Variants in FOXRED2 observed in about 807,000 individuals in gnomAD.
The protein encoded by FOXRED2 is FAD dependent oxidoreductase domain containing 2, also known as FAD-dependent oxidoreductase domain-containing protein 2.
In FOXRED2, 32 loss-of-function variants were observed where a neutral mutation model predicts 52.5. The observed-to-expected ratio is 0.61, with a 90% CI of 0.46 to 0.82. The LOEUF is 0.82. Among genes scored for constraint, FOXRED2 ranks in the 40% least tolerant of loss-of-function variants. The pLI is 0.00. For missense variants in FOXRED2, 848 were observed against 937.5 expected (o/e 0.90, Z 1.25); for synonymous variants, 405 against 398.1 (o/e 1.02, Z -0.21).
rs774238862 is a variant in FOXRED2, at chr22:36,498,100, T to C, written c.1273A>G (p.Thr425Ala). 3.7e-6 allele frequency: 6 copies of C among 1,613,464 alleles called. No individual in the cohort carries two copies. Among genetic ancestry groups the C allele is most frequent in the South Asian group, 3.3e-5 (3 of 91,052 alleles). Reference sequence around the variant, plus strand: ...GTCAGCTGTGTGATGGGGAGCTCAGTGGCGGGCCAGGTGACGCTGTGGTGG... The same window carrying C: ...GTCAGCTGTGTGATGGGGAGCTCAGCGGCGGGCCAGGTGACGCTGTGGTGG... ...HRHHSVTWPATELPITQLTSS... is the reference protein window; with the variant it reads ...HRHHSVTWPAAELPITQLTSS... The change falls in exon 6 of 9, where the codon ACT becomes GCT. Residue 425 changes from threonine (T) to alanine (A), a missense_variant. Transcript: ENST00000397224.
chr22:36,494,493 C>G (rs1568987546), intron 7 of FOXRED2, among the ~76,000 whole-genome samples: 1 of 152,292 alleles, frequency 6.6e-6, no homozygotes, highest in East Asian at 1.9e-4. Context: ...CAGCACTCAT[C>G]TAGTTCAGCT....
At chr22:36,497,921 G>T (rs1029162713) in intron 6 of FOXRED2, 70 bp downstream of exon 6, 8 of 1,517,282 alleles carry the variant, frequency 5.3e-6, no homozygotes, top group Non-Finnish European at 7.2e-6. Flanking sequence ...CCTGGAATAG[G>T]AAGAGAAGCG....
rs749720000 is a variant in FOXRED2, at chr22:36,501,271, C to T, written c.1186G>A (p.Gly396Arg). 19 of 1,614,120 alleles carry T rather than the reference C, an allele frequency of 1.2e-5. No individual in the cohort carries two copies. Among genetic ancestry groups the T allele is most frequent in the East Asian group, 4.5e-5 (2 of 44,880 alleles). Residue 396 changes from glycine to arginine, a missense_variant, in exon 5 of 9, where the codon GGG becomes AGG. Transcript: ENST00000397224. ...TATCGGAATCCGTGGATGAAGCCCC[C>T]AGCAGATTTCCGGTAGTCCACCGAG... ...SHSVDYRKSAGGFIHGFRYTV... is the reference protein window; with the variant it reads ...SHSVDYRKSARGFIHGFRYTV...
intron 8 of FOXRED2, among the ~76,000 whole-genome samples, chr22:36,491,911 A>G (rs554527390): frequency 2.0e-5 from 3 of 152,158 alleles, no homozygotes; most frequent in Admixed American, 2.0e-4. Context: ...AGGGAGTTAG[A>G]GACAAGGGCA....
rs1023121812 is a variant in FOXRED2 at position 36,506,215 on chromosome 22, T to G, written c.208A>C (p.Thr70Pro). 1.2e-6 allele frequency: 2 copies of G among 1,614,038 alleles called. No homozygotes were observed. Among genetic ancestry groups the G allele is most frequent in the Admixed American group, 3.3e-5 (2 of 60,032 alleles). ...ERAPRPGSFF[T>P]RYPRHRKLIS... ...AGCTTGCGGTGCCGCGGGTAGCGTG[T>G]GAAGAAGCTGCCGGGCCGCGGGGCC... Residue 70 changes from threonine (T) to proline (P), a missense_variant, in exon 2 of 9, where the codon ACA (threonine) becomes CCA (proline). Physicochemically the swap from Thr to Pro is conservative, Grantham distance 38. Coordinates refer to ENST00000397224, the MANE Select transcript of FOXRED2 (RefSeq NM_001102371.2).
intron 5 of FOXRED2, chr22:36,498,362 G>A (rs1180804604): frequency 5.2e-6 from 3 of 582,150 alleles, no homozygotes; most frequent in Non-Finnish European, 9.1e-6. Context: ...TTCTGGAAAG[G>A]GCCAGACAAT....
chr22:36,495,665 G>A lies in FOXRED2; in HGVS notation c.1624+302C>T, dbSNP rs1017092951. On this transcript the variant is annotated intron_variant, in intron 7 of 8. Transcript: ENST00000397224. Reference sequence around the variant, plus strand: ...TCCCTCTACTCTTCAGACCCCTCCCGCCCCACCACAGTCAGCCGCCTCTGG... The same window carrying A: ...TCCCTCTACTCTTCAGACCCCTCCCACCCCACCACAGTCAGCCGCCTCTGG... Among the ~76,000 whole-genome samples the A allele has an allele frequency of 5.3e-5, 8 of 152,120 alleles. No individual in the cohort carries two copies. The East Asian group carries it at 1.2e-3, about 22-fold the overall frequency.
intron 5 of FOXRED2, among the ~76,000 whole-genome samples, chr22:36,500,090 C>T (rs1371686634): frequency 1.3e-5 from 2 of 152,182 alleles, no homozygotes; most frequent in African/African-American, 2.4e-5. Context: ...TGTGACCCAC[C>T]GTGCCTGGCC....
rs758632702 is a variant in FOXRED2 at position 36,501,354 on chromosome 22, C to T, written c.1103G>A (p.Arg368Gln). The T allele has an allele frequency of 5.9e-5, 95 of 1,613,958 alleles. No homozygotes were observed. The highest frequency in any genetic ancestry group is 7.7e-5 in the Non-Finnish European group (91 of 1,180,024). ...GCTTCCTTTGGATTCGTAGCTAGCT[C>T]GAATCAGCGGGTACTTCTTGCCGAA... ...NAFGKKYPLI[R>Q]ASYESKGSRG... Residue 368 changes from arginine (R) to glutamine (Q), a missense_variant, in exon 5 of 9, where the codon CGA becomes CAA. By Grantham distance (43) the Arg-to-Gln change is conservative. Transcript: ENST00000397224.
At chr22:36,495,810 T>C (rs1933880865) in intron 7 of FOXRED2, among the ~76,000 whole-genome samples, 157 bp downstream of exon 7, 1 of 152,214 alleles carries the variant, frequency 6.6e-6, no homozygotes, top group South Asian at 2.1e-4. Context: ...CGTTCATCAT[T>C]CTCGGACCTT....
At position 36,493,684 on chromosome 22, in the gene FOXRED2, T is replaced by C; in HGVS notation, c.1744A>G (p.Arg582Gly). Residue 582 changes from arginine to glycine, a missense_variant, in exon 8 of 9, where the codon AGG becomes GGG. Physicochemically the swap from Arg to Gly is moderately radical, Grantham distance 125 (BLOSUM62 -2). Coordinates refer to ENST00000397224, the MANE Select transcript of FOXRED2 (RefSeq NM_001102371.2). The part of the protein sequence containing the change: ...TAPIGHILPL[R>G]RFLENCLDTD... ...TCCAAACAGTTCTCCAGGAAGCGCCTCAGAGGTAGGATGTGCCCGATCGGG... is the reference window on the plus strand; with the variant it reads ...TCCAAACAGTTCTCCAGGAAGCGCCCCAGAGGTAGGATGTGCCCGATCGGG... The C allele has an allele frequency of 6.2e-7, 1 of 1,614,154 alleles. No individual in the cohort carries two copies. Among genetic ancestry groups the C allele is most frequent in the Non-Finnish European group, 8.5e-7 (1 of 1,180,010 alleles).
chr22:36,490,749 A>T (rs1401367919), intron 8 of FOXRED2, among the ~76,000 whole-genome samples: 2 of 152,224 alleles, frequency 1.3e-5, no homozygotes, highest in African/African-American at 4.8e-5. Context: ...TGATCTAAAC[A>T]GTGTGGGGGA....
chr22:36,491,371 G>C (rs931375617), intron 8 of FOXRED2, among the ~76,000 whole-genome samples: 1 of 152,104 alleles, frequency 6.6e-6, no homozygotes, highest in African/African-American at 2.4e-5. Context: ...GGGCTGCTGG[G>C]AGGTGACTGC....
At position 36,506,374 on chromosome 22, in the gene FOXRED2, G is replaced by A. The variant is rs1473955034; in HGVS notation, c.49C>T (p.Leu17=). 1 of 1,447,246 alleles carries A rather than the reference G, an allele frequency of 6.9e-7. No homozygotes were observed. The highest frequency in any genetic ancestry group is 9.0e-7 in the Non-Finnish European group (1 of 1,105,064). The allele number at this position is 1,447,246 out of a possible 1,614,324, so 89.7% of individuals were successfully genotyped here. ...APLWGPPGLL[L]AIALHPALSV... ...AGCGCTGGGTGCAGGGCGATGGCCAGGAGCAGCCCCGGGGGACCCCACAAC... is the reference window on the plus strand; with the variant it reads ...AGCGCTGGGTGCAGGGCGATGGCCAAGAGCAGCCCCGGGGGACCCCACAAC... The change falls in exon 2 of 9, where the codon CTG becomes TTG. Residue 17 remains leucine, a synonymous_variant. Coordinates refer to ENST00000397224, the MANE Select transcript of FOXRED2 (RefSeq NM_001102371.2).
intron 7 of FOXRED2, 31 bp from the exon 8 acceptor site, chr22:36,493,834 A>G: frequency 6.2e-7 from 1 of 1,606,090 alleles, no homozygotes; most frequent in Non-Finnish European, 8.5e-7. Context: ...GCCATGTCAG[A>G]GCTGTGAGGC....
intron 8 of FOXRED2, among the ~76,000 whole-genome samples, chr22:36,492,676 C>G (rs1933787010): frequency 6.6e-6 from 1 of 152,108 alleles, no homozygotes. Context: ...ACCACTGCCC[C>G]CAGCTAATTT....
intron 6 of FOXRED2, among the ~76,000 whole-genome samples, chr22:36,497,475 T>G (rs1233306879): frequency 1.3e-5 from 2 of 152,226 alleles, no homozygotes; most frequent in Non-Finnish European, 2.9e-5. Flanking sequence ...TCCCTCTGAC[T>G]GAAGGTTGCT....
In FOXRED2 at chr22:36,505,935, A is replaced by C. The variant is rs1440110908; in HGVS notation, c.488T>G (p.Phe163Cys). 6.2e-7 allele frequency: 1 copy of C among 1,614,060 alleles called. No homozygotes were observed. Among genetic ancestry groups the C allele is most frequent in the East Asian group, 2.2e-5 (1 of 44,880 alleles). Residue 163 changes from phenylalanine (F) to cysteine (C), a missense_variant, in exon 2 of 9, where the codon TTC (phenylalanine) becomes TGC (cysteine). Transcript: ENST00000397224. ...KDRQAWNGHY[F>C]ILTDQKGQVH... The stretch of plus-strand genomic sequence containing the variant: ...CTGGCCCTTCTGGTCAGTTAGGATG[A>C]AGTAGTGGCCATTCCAGGCCTGTCG...
chr22:36,501,460 AT>A (rs1314598388), intron 4 of FOXRED2, 53 bp from the exon 5 acceptor site: 1 of 1,569,534 alleles, frequency 6.4e-7, no homozygotes, highest in African/African-American at 1.4e-5. Flanking sequence ...AGAGGCACTT[AT>A]TTATTTAGTT....
Sources: allele counts gnomAD v4.1 joint callset (sites outside exome capture counted in the v4.1 genomes callset), GRCh38; gene constraint gnomAD v4.1.1; transcripts MANE v1.5; gene names NCBI Gene and HGNC (gene_info 2026-07-23, HGNC 2026-07-21).